The following BMPR1A variants were observed in gnomAD, a reference collection of about 807,000 sequenced individuals.
The protein encoded by BMPR1A is bone morphogenetic protein receptor type 1A.
In BMPR1A, 7 loss-of-function variants were observed where a neutral mutation model predicts 66.0. The observed-to-expected ratio is 0.11, with a 90% CI of 0.06 to 0.20. BMPR1A has a LOEUF of 0.20. Among genes scored for constraint, BMPR1A ranks in the 10% least tolerant of loss-of-function variants. The pLI, the probability that BMPR1A is intolerant of heterozygous loss-of-function variation, is 1.00. For synonymous variants in BMPR1A, 200 were observed against 229.7 expected (o/e 0.87, Z 1.17); for missense variants, 408 against 669.1 (o/e 0.61, Z 4.31).
rs563765367 is a variant in BMPR1A, at chr10:86,803,447, CA to C, written c.-267-35417del. ...TTTTACTTTTGATGTCAAACTTAGA[CA>C]TTTTTTTCCCCATTACAGTAGTGTT... On this transcript the variant is annotated intron_variant, in intron 1 of 12. Coordinates refer to ENST00000372037, the MANE Select transcript of BMPR1A (RefSeq NM_004329.3). Among the ~76,000 whole-genome samples the C allele has an allele frequency of 5.2e-3, 798 of 152,224 alleles. 10 individuals are homozygous for C. Among genetic ancestry groups the C allele is most frequent in the African/African-American group, 0.018 (747 of 41,538 alleles).
chr10:86,842,566 T>C (rs549688757), intron 2 of BMPR1A, among the ~76,000 whole-genome samples: 1 of 152,254 alleles, frequency 6.6e-6, no homozygotes, highest in East Asian at 1.9e-4. Flanking sequence ...TTGTGAAAAA[T>C]GGGCAGTCAT....
At chr10:86,831,137 C>T (rs1384067313) in intron 1 of BMPR1A, among the ~76,000 whole-genome samples, 8 of 152,142 alleles carry the variant, frequency 5.3e-5, no homozygotes, top group African/African-American at 9.7e-5. Flanking sequence ...GTCAGCTGAT[C>T]GGCAATTAAG....
intron 2 of BMPR1A, among the ~76,000 whole-genome samples, chr10:86,848,801 T>C (rs933108760): frequency 6.6e-6 from 1 of 152,218 alleles, no homozygotes; most frequent in African/African-American, 2.4e-5. Context: ...CTGTAATTTT[T>C]CCAGCAACCC....
intron 10 of BMPR1A, 46 bp downstream of exon 10, chr10:86,919,515 A>G: frequency 6.3e-7 from 1 of 1,599,896 alleles, no homozygotes; most frequent in South Asian, 1.1e-5. Context: ...TTTAATTTCC[A>G]AAAGATATTT....
chr10:86,909,112 G>T (rs1296536709), intron 7 of BMPR1A, among the ~76,000 whole-genome samples: 2 of 151,666 alleles, frequency 1.3e-5, no homozygotes, highest in African/African-American at 4.9e-5. Flanking sequence ...TCATAATAAT[G>T]CAAGCACTGA....
At chr10:86,817,317 G>A (rs1842048752) in intron 1 of BMPR1A, among the ~76,000 whole-genome samples, 1 of 152,064 alleles carries the variant, frequency 6.6e-6, no homozygotes, top group South Asian at 2.1e-4. Flanking sequence ...TGACTACTAA[G>A]TACGTCATAT....
intron 2 of BMPR1A, among the ~76,000 whole-genome samples, chr10:86,843,841 A>G (rs11202223): frequency 0.017 from 2,531 of 152,298 alleles, 77 homozygotes; most frequent in African/African-American, 0.058. Flanking sequence ...AGAGAAATGA[A>G]GTGAGGAGGT....
At chr10:86,806,126 T>G (rs1437843223) in intron 1 of BMPR1A, among the ~76,000 whole-genome samples, 1 of 152,212 alleles carries the variant, frequency 6.6e-6, no homozygotes, top group East Asian at 1.9e-4. Flanking sequence ...ATTCAGGTGA[T>G]GCATCTCTGG....
intron 1 of BMPR1A, among the ~76,000 whole-genome samples, chr10:86,797,472 T>A (rs1185368027): frequency 1.3e-5 from 2 of 152,030 alleles, no homozygotes; most frequent in Non-Finnish European, 2.9e-5. Context: ...GCCTCGTGAT[T>A]CGCCCACTTC....
downstream of BMPR1A, chr10:86,932,011 A>C (rs1410928313): frequency 6.6e-6 from 1 of 152,214 alleles, no homozygotes; most frequent in African/African-American, 2.4e-5. Flanking sequence ...AAATGATTCC[A>C]GGCTTCCATT....
chr10:86,898,612 C>G (rs2133447491), intron 5 of BMPR1A, among the ~76,000 whole-genome samples: 1 of 152,320 alleles, frequency 6.6e-6, no homozygotes, highest in African/African-American at 2.4e-5. Flanking sequence ...TCCTTATCAT[C>G]CACTGTCATG....
intron 1 of BMPR1A, among the ~76,000 whole-genome samples, chr10:86,777,202 CCAGTTTCTCTATTAAGAACCG>C (rs1170272912): frequency 2.0e-5 from 3 of 152,090 alleles, no homozygotes; most frequent in Non-Finnish European, 4.4e-5. Context: ...TAGAGAAACC[CCAGTTTCTCTATTAAGAACCG>C]CAGTTGGTTA....
At chr10:86,796,377 TC>T (rs1841709433) in intron 1 of BMPR1A, among the ~76,000 whole-genome samples, 2 of 152,102 alleles carry the variant, frequency 1.3e-5, no homozygotes, top group Non-Finnish European at 2.9e-5. Flanking sequence ...ACTATTTTTT[TC>T]TTCACTTTTA....
At position 86,906,535 on chromosome 10, in the gene BMPR1A, T is replaced by C. The variant is rs1414970746; in HGVS notation, c.531-5705T>C. ...GAGATCGAGACCATACTGGCTAACA[T>C]GGTGAAACTCCGTCTCTACCAAAAA... is the stretch of plus-strand genomic sequence containing the variant. On this transcript the variant is annotated intron_variant, in intron 7 of 12. Coordinates refer to ENST00000372037, the MANE Select transcript of BMPR1A (RefSeq NM_004329.3). Among the ~76,000 whole-genome samples the C allele has an allele frequency of 3.2e-5, 3 of 94,358 alleles. 1 individual carries two copies. Among genetic ancestry groups the C allele is most frequent in the Admixed American group, 2.8e-4 (3 of 10,634 alleles). The allele number at this position is 94,358 out of a possible 152,430, so 61.9% of individuals were successfully genotyped here.
intron 2 of BMPR1A, among the ~76,000 whole-genome samples, chr10:86,853,364 C>A (rs1178462028): frequency 6.6e-6 from 1 of 151,524 alleles, no homozygotes; most frequent in Non-Finnish European, 1.5e-5. Flanking sequence ...AAACTTTGTC[C>A]CACCATTTTA....
chr10:86,916,587 G>C (rs368207905), intron 8 of BMPR1A, among the ~76,000 whole-genome samples: 1 of 152,230 alleles, frequency 6.6e-6, no homozygotes, highest in Non-Finnish European at 1.5e-5. Flanking sequence ...GACTACCCAC[G>C]ACTGTGTGCA....
chr10:86,836,993 A>C (rs1263554291), intron 1 of BMPR1A, among the ~76,000 whole-genome samples: 1 of 152,208 alleles, frequency 6.6e-6, no homozygotes, highest in African/African-American at 2.4e-5. Context: ...ACATGTGGGA[A>C]AACAGGGAAG....
In BMPR1A at chr10:86,809,849, C is replaced by T. The variant is rs141941817; in HGVS notation, c.-267-29016C>T. On this transcript the variant is annotated intron_variant, in intron 1 of 12. Coordinates refer to ENST00000372037, the MANE Select transcript of BMPR1A (RefSeq NM_004329.3). ...TCTGTCTAATATGAATTTGCCTGTT[C>T]GAGGTGCCTCATATAGGTGGAATTG... is the stretch of plus-strand genomic sequence containing the variant. Among the ~76,000 whole-genome samples, 132 of 152,078 alleles carry T rather than the reference C, an allele frequency of 8.7e-4. 1 individual carries two copies. Among genetic ancestry groups the T allele is most frequent in the African/African-American group, 3.0e-3 (126 of 41,484 alleles).
At chr10:86,838,693 G>A (rs952503899) in intron 1 of BMPR1A, among the ~76,000 whole-genome samples, 172 bp from the exon 2 acceptor site, 1 of 151,910 alleles carries the variant, frequency 6.6e-6, no homozygotes, top group South Asian at 2.1e-4. Flanking sequence ...CTTGGGCAGA[G>A]GTTGAGGAAA....
Sources: allele counts gnomAD v4.1 joint callset (sites outside exome capture counted in the v4.1 genomes callset), GRCh38; gene constraint gnomAD v4.1.1; transcripts MANE v1.5; gene names NCBI Gene and HGNC (gene_info 2026-07-23, HGNC 2026-07-21).